GPAT3: variants seen among roughly 807,000 people sequenced by gnomAD.
The protein encoded by GPAT3 is glycerol-3-phosphate acyltransferase 3.
Under a neutral mutation model 58.8 loss-of-function variants are expected in GPAT3, and 53 were observed. The observed-to-expected ratio is 0.90, with a 90% CI of 0.72 to 1.13. The LOEUF is 1.13. Among genes scored for constraint, GPAT3 ranks in the 50% most tolerant of loss-of-function variants. The pLI is 0.00. For synonymous variants in GPAT3, 197 were observed against 187.4 expected (o/e 1.05, Z -0.42); for missense variants, 511 against 527.6 (o/e 0.97, Z 0.31).
chr4:83,592,553 G>T (rs1389304132), intron 6 of GPAT3, among the ~76,000 whole-genome samples: 2 of 152,154 alleles, frequency 1.3e-5, no homozygotes, highest in Non-Finnish European at 2.9e-5. Context: ...TGTATACATT[G>T]TAGAATGGCT....
chr4:83,600,646 G>A (rs1327388647), intron 11 of GPAT3, among the ~76,000 whole-genome samples: 2 of 152,002 alleles, frequency 1.3e-5, no homozygotes, highest in Non-Finnish European at 2.9e-5. Context: ...GGGACTGCAG[G>A]CATGCACCAC....
intron 1 of GPAT3, among the ~76,000 whole-genome samples, chr4:83,542,380 C>T (rs569313428): frequency 9.2e-5 from 14 of 152,044 alleles, no homozygotes; most frequent in East Asian, 5.8e-4. Flanking sequence ...GCACTAAATC[C>T]GCAAAAGATA....
intron 3 of GPAT3, among the ~76,000 whole-genome samples, chr4:83,585,375 A>G (rs1364972441): frequency 1.3e-5 from 2 of 150,180 alleles, no homozygotes; most frequent in Non-Finnish European, 3.0e-5. Context: ...ATATTAATGT[A>G]TTACTTTATT....
chr4:83,574,899 A>G (rs1445351707), intron 2 of GPAT3, among the ~76,000 whole-genome samples: 1 of 118,590 alleles, frequency 8.4e-6, no homozygotes, highest in African/African-American at 3.2e-5. Context: ...TTTTTTTGAG[A>G]CGGAGTCTCG....
Position 83,590,259 on chromosome 4 carries a change from T to A in GPAT3, c.705T>A (p.Val235=). The A allele has an allele frequency of 6.2e-7, 1 of 1,613,892 alleles. No individual in the cohort carries two copies. Among genetic ancestry groups the A allele is most frequent in the Non-Finnish European group, 8.5e-7 (1 of 1,179,836 alleles). ...CCAACCATACTTCCCCCATTGATGT[T>A]TTAATCTTGACAACGGATGGATGTT... ...CVANHTSPID[V]LILTTDGCYA... Residue 235 remains valine (V), a synonymous_variant, in exon 6 of 12, where the codon GTT becomes GTA. Coordinates refer to ENST00000264409, the MANE Select transcript of GPAT3 (RefSeq NM_032717.5).
intron 2 of GPAT3, among the ~76,000 whole-genome samples, chr4:83,565,541 C>T (rs562517619): frequency 6.6e-6 from 1 of 152,080 alleles, no homozygotes; most frequent in South Asian, 2.1e-4. Context: ...CTCTGTCACC[C>T]AGGGTGGAGT....
chr4:83,605,104 C>A lies in GPAT3; in HGVS notation c.*337C>A. 1 of 172,664 alleles carries A rather than the reference C, an allele frequency of 5.8e-6. No homozygotes were observed. Among genetic ancestry groups the A allele is most frequent in the South Asian group, 1.5e-4 (1 of 6,760 alleles). 10.7% of individuals were successfully genotyped at this position (172,664 alleles called of 1,614,324 possible). A position where few individuals can be genotyped will look rare whatever the true frequency, so the allele number is the denominator to read the frequency against. ...GGAACTCATCGATAGGGTAATTCTCCAAAAATGCCCAAACTCTTTTTCTGT... is the reference window on the plus strand; with the variant it reads ...GGAACTCATCGATAGGGTAATTCTCAAAAAATGCCCAAACTCTTTTTCTGT... On this transcript the variant is annotated 3_prime_UTR_variant, in exon 12 of 12. Coordinates refer to ENST00000264409, the MANE Select transcript of GPAT3 (RefSeq NM_032717.5).
chr4:83,570,471 CTTTTT>C (rs11417042), intron 2 of GPAT3, among the ~76,000 whole-genome samples: 10 of 126,640 alleles, frequency 7.9e-5, no homozygotes, highest in African/African-American at 2.2e-4. Context: ...TGGGAGAACT[CTTTTT>C]TTTTTTTTTT....
chr4:83,598,499 A>T, intron 10 of GPAT3, 145 bp from the exon 11 acceptor site: 1 of 809,264 alleles, frequency 1.2e-6, no homozygotes, highest in Non-Finnish European at 2.0e-6. Flanking sequence ...AGAACAAATG[A>T]TATTTGCTAT....
intron 2 of GPAT3, among the ~76,000 whole-genome samples, chr4:83,566,419 T>TTAATTTATTATTATTATTA (rs141548038): frequency 2.1e-5 from 3 of 143,594 alleles, no homozygotes; most frequent in African/African-American, 7.8e-5. Flanking sequence ...AATTAATTAA[T>TTAATTTATTATTATTATTA]TTATTATTAT....
intron 2 of GPAT3, among the ~76,000 whole-genome samples, chr4:83,553,831 C>T (rs1017137563): frequency 2.6e-5 from 4 of 151,504 alleles, no homozygotes; most frequent in African/African-American, 4.9e-5. Context: ...GAGCTGAGAT[C>T]GCACCACTGC....
chr4:83,601,294 G>A (rs190168008), intron 11 of GPAT3, among the ~76,000 whole-genome samples: 1 of 152,286 alleles, frequency 6.6e-6, no homozygotes, highest in African/African-American at 2.4e-5. Context: ...TGTTCAGGGA[G>A]GACTTACTGT....
chr4:83,540,355 G>A (rs569392738), intron 1 of GPAT3, among the ~76,000 whole-genome samples: 7 of 152,228 alleles, frequency 4.6e-5, no homozygotes, highest in African/African-American at 1.4e-4. Context: ...GGACCATTTC[G>A]CTGACAGAGC....
intron 2 of GPAT3, among the ~76,000 whole-genome samples, chr4:83,558,795 A>T: frequency 6.6e-6 from 1 of 152,216 alleles, no homozygotes; most frequent in South Asian, 2.1e-4. Flanking sequence ...TGTTCATATT[A>T]AGGGTGGCAA....
chr4:83,554,228 A>T (rs1179371666), intron 2 of GPAT3, among the ~76,000 whole-genome samples: 1 of 152,190 alleles, frequency 6.6e-6, no homozygotes, highest in Non-Finnish European at 1.5e-5. Flanking sequence ...CTTGGGCTCA[A>T]GTGATGCTCT....
At chr4:83,564,525 C>T (rs1314738712) in intron 2 of GPAT3, among the ~76,000 whole-genome samples, 1 of 152,022 alleles carries the variant, frequency 6.6e-6, no homozygotes, top group Non-Finnish European at 1.5e-5. Flanking sequence ...ATAGCAAGAC[C>T]TTCTCTCTAC....
At chr4:83,554,441 C>T (rs535743602) in intron 2 of GPAT3, among the ~76,000 whole-genome samples, 1 of 152,104 alleles carries the variant, frequency 6.6e-6, no homozygotes, top group Admixed American at 6.6e-5. Flanking sequence ...AGAGAAAAAT[C>T]CCAATCAAAA....
intron 3 of GPAT3, among the ~76,000 whole-genome samples, chr4:83,585,339 A>C (rs2110100982): frequency 6.7e-6 from 1 of 149,762 alleles, no homozygotes; most frequent in African/African-American, 2.4e-5. Context: ...TAAAATTGAT[A>C]GTTATAATTA....
chr4:83,588,507 T>C (rs915560454), intron 5 of GPAT3, among the ~76,000 whole-genome samples: 1 of 152,214 alleles, frequency 6.6e-6, no homozygotes, highest in Non-Finnish European at 1.5e-5. Flanking sequence ...AAACACGTAG[T>C]TGTGCTCAAT....
Sources: gnomAD v4.1 joint callset for allele counts (sites outside exome capture counted in the v4.1 genomes callset) on GRCh38, gnomAD v4.1.1 for gene constraint, MANE v1.5 for transcripts, NCBI Gene and HGNC (gene_info 2026-07-23, HGNC 2026-07-21) for gene names.